The following ANO10 variants were observed in gnomAD, a reference collection of about 807,000 sequenced individuals.
ANO10 encodes anoctamin-10.
Under a neutral mutation model 74.7 loss-of-function variants are expected in ANO10, and 77 were observed. The observed-to-expected ratio is 1.03, with a 90% CI of 0.86 to 1.25. ANO10 has a LOEUF of 1.25. Among genes scored for constraint, ANO10 ranks in the 50% most tolerant of loss-of-function variants. The probability of loss-of-function intolerance (pLI) is 0.00; values close to 1 mark genes in which losing one functional copy is unlikely to be tolerated. For synonymous variants in ANO10, 279 were observed against 284.9 expected (o/e 0.98, Z 0.21); for missense variants, 721 against 778.1 (o/e 0.93, Z 0.87).
rs138402620 is a variant in ANO10 at position 43,522,621 on chromosome 3, G to T, written c.1797+27099C>A. Among the ~76,000 whole-genome samples the T allele has an allele frequency of 1.2e-4, 18 of 152,292 alleles. No homozygotes were observed. The East Asian group carries it at 3.5e-3, about 29-fold the overall frequency. On this transcript the variant is annotated intron_variant, in intron 11 of 12. Coordinates refer to ENST00000292246, the MANE Select transcript of ANO10 (RefSeq NM_018075.5). The stretch of plus-strand genomic sequence containing the variant: ...GATGCTGGAAATGTAACTGAATCAA[G>T]CAGGGTTTTTACTTGCAAGCCACAA...
intron 1 of ANO10, among the ~76,000 whole-genome samples, chr3:43,618,623 C>T (rs911490682): frequency 1.3e-5 from 2 of 152,096 alleles, no homozygotes; most frequent in African/African-American, 2.4e-5. Flanking sequence ...CTCCAAAAGA[C>T]CCAGGGACTG....
chr3:43,584,971 C>T (rs1289414158), intron 4 of ANO10, among the ~76,000 whole-genome samples: 1 of 152,100 alleles, frequency 6.6e-6, no homozygotes, highest in African/African-American at 2.4e-5. Context: ...AGGGGAGCAG[C>T]TGCCTTCAAG....
intron 1 of ANO10, among the ~76,000 whole-genome samples, chr3:43,661,382 C>T (rs889961850): frequency 6.6e-6 from 1 of 151,868 alleles, no homozygotes; most frequent in Non-Finnish European, 1.5e-5. Context: ...ACCAGGCCTG[C>T]CTTACAAGAG....
chr3:43,438,531 G>C (rs1166692392), intron 11 of ANO10, among the ~76,000 whole-genome samples: 1 of 151,946 alleles, frequency 6.6e-6, no homozygotes, highest in Admixed American at 6.6e-5. Flanking sequence ...GATCACCTGA[G>C]GTTAGGAGTT....
intron 11 of ANO10, among the ~76,000 whole-genome samples, chr3:43,513,118 T>C (rs1177088281): frequency 6.6e-6 from 1 of 152,136 alleles, no homozygotes; most frequent in Non-Finnish European, 1.5e-5. Context: ...AGCACACGTA[T>C]GTGAGGAAAC....
At chr3:43,580,874 G>A (rs2081235131) in intron 4 of ANO10, among the ~76,000 whole-genome samples, 1 of 152,082 alleles carries the variant, frequency 6.6e-6, no homozygotes. Context: ...CTTTTCTCAT[G>A]TAGTAGTATA....
chr3:43,481,115 T>G (rs1042281903), intron 11 of ANO10, among the ~76,000 whole-genome samples: 4 of 151,852 alleles, frequency 2.6e-5, no homozygotes, highest in Non-Finnish European at 5.9e-5. Flanking sequence ...TCAATAAAAC[T>G]GAAAGACATA....
intron 3 of ANO10, among the ~76,000 whole-genome samples, chr3:43,600,099 G>A (rs2082269781): frequency 6.6e-6 from 1 of 152,162 alleles, no homozygotes; most frequent in East Asian, 1.9e-4. Flanking sequence ...TCATCCAGGG[G>A]AGGCAAAGGA....
intron 1 of ANO10, among the ~76,000 whole-genome samples, chr3:43,679,510 G>C (rs576339130): frequency 6.6e-6 from 1 of 152,200 alleles, no homozygotes; most frequent in Non-Finnish European, 1.5e-5. Context: ...CTCCACCTCT[G>C]GGGGCAGGGC....
chr3:43,451,362 T>C (rs1202750978), intron 11 of ANO10, among the ~76,000 whole-genome samples: 1 of 151,996 alleles, frequency 6.6e-6, no homozygotes, highest in Non-Finnish European at 1.5e-5. Flanking sequence ...AACCTGGCCA[T>C]TCCAGCTTCA....
chr3:43,575,661 G>C (rs1383277092), intron 6 of ANO10, among the ~76,000 whole-genome samples: 2 of 151,352 alleles, frequency 1.3e-5, no homozygotes, highest in African/African-American at 4.9e-5. Flanking sequence ...TTTGTGAGAC[G>C]GAGTCTTGCT....
At chr3:43,577,800 A>C (rs1429652113) in intron 5 of ANO10, among the ~76,000 whole-genome samples, 1 of 152,256 alleles carries the variant, frequency 6.6e-6, no homozygotes, top group African/African-American at 2.4e-5. Flanking sequence ...CAAAAGCACA[A>C]AACAGGATTC....
In ANO10 at chr3:43,690,941, C is replaced by A. The variant is rs868447486; in HGVS notation, c.-12+576G>T. On this transcript the variant is annotated intron_variant, in intron 1 of 3. Coordinates refer to the ANO10 transcript ENST00000413397. ...CCGCGCCAGCCCGGGGCGGCCCAGT[C>A]GGCCTGTCAGCCGGCTTCGAGATAA... 5 of 1,538,024 alleles carry A rather than the reference C, an allele frequency of 3.3e-6. No homozygotes were observed. In the Admixed American group the frequency reaches 5.8e-5, roughly 18 times the overall value.
Position 43,421,108 on chromosome 3 carries a change from A to G in ANO10, c.1914+11503T>C, listed in dbSNP as rs375721706. On this transcript the variant is annotated intron_variant, in intron 12 of 12. Transcript: ENST00000292246. ...CATGGAGGCACACACCTGTAGTCCCAGCTACTCGGGAGGCTGAGGTGGGAG... is the reference window on the plus strand; with the variant it reads ...CATGGAGGCACACACCTGTAGTCCCGGCTACTCGGGAGGCTGAGGTGGGAG... Among the ~76,000 whole-genome samples the G allele has an allele frequency of 5.4e-4, 82 of 152,276 alleles. 1 individual carries two copies. Among genetic ancestry groups the G allele is most frequent in the South Asian group, 3.9e-3 (19 of 4,824 alleles).
At chr3:43,598,383 T>A in intron 4 of ANO10, 149 bp downstream of exon 4, 1 of 722,808 alleles carries the variant, frequency 1.4e-6, no homozygotes, top group South Asian at 1.9e-5. Context: ...AAAGATGCAA[T>A]ATACTGAGGT....
chr3:43,534,022 C>T (rs2078588188), intron 11 of ANO10, among the ~76,000 whole-genome samples: 1 of 152,146 alleles, frequency 6.6e-6, no homozygotes, highest in Non-Finnish European at 1.5e-5. Context: ...CATAAGAAAC[C>T]AATCACACTG....
At chr3:43,623,988 C>T (rs2083471103), upstream of ANO10, among the ~76,000 whole-genome samples, 4 of 152,122 alleles carry the variant, frequency 2.6e-5, no homozygotes, top group Admixed American at 2.6e-4. Flanking sequence ...CATATAATTT[C>T]ATTTTCTTAT....
chr3:43,520,743 T>C (rs556742003), intron 11 of ANO10, among the ~76,000 whole-genome samples: 1 of 152,286 alleles, frequency 6.6e-6, no homozygotes, highest in African/African-American at 2.4e-5. Flanking sequence ...TTCAAGATTG[T>C]TTTAGCTATT....
At chr3:43,406,780 T>C (rs906272680) in intron 12 of ANO10, among the ~76,000 whole-genome samples, 14 of 152,188 alleles carry the variant, frequency 9.2e-5, no homozygotes, top group African/African-American at 3.4e-4. Flanking sequence ...AAATTCCCTC[T>C]CCATCTTTGG....
Sources: allele counts gnomAD v4.1 joint callset (sites outside exome capture counted in the v4.1 genomes callset), GRCh38; gene constraint gnomAD v4.1.1; transcripts MANE v1.5; gene names NCBI Gene and HGNC (gene_info 2026-07-23, HGNC 2026-07-21).